PCDH15: variants seen among roughly 807,000 people sequenced by gnomAD.
The protein encoded by PCDH15 is protocadherin related 15.
PCDH15 carries 129 observed loss-of-function variants against 178.5 expected under a neutral mutation model. The observed-to-expected ratio is 0.72, with a 90% CI of 0.63 to 0.84. The LOEUF (loss-of-function observed/expected upper bound fraction) is 0.84. Ranked by LOEUF, PCDH15 falls within the 40% of genes least tolerant of loss-of-function variation. PCDH15 has a pLI of 0.00. For missense variants in PCDH15, 2,230 were observed against 2,099.9 expected, an observed-to-expected ratio of 1.06 and a Z score of -1.21; for synonymous variants, 800 against 732.0, an observed-to-expected ratio of 1.09 and a Z score of -1.50.
chr10:54,716,779 C>G (rs536140662), intron 1 of PCDH15, among the ~76,000 whole-genome samples: 6 of 151,250 alleles, frequency 4.0e-5, no homozygotes, highest in Non-Finnish European at 7.4e-5. Context: ...CATATGGAAC[C>G]AAAAAAGAGC....
chr10:54,939,336 A>C, intron 2 of PCDH15, among the ~76,000 whole-genome samples: 1 of 151,452 alleles, frequency 6.6e-6, no homozygotes, highest in Non-Finnish European at 1.5e-5. Flanking sequence ...CTACTAAAAA[A>C]AACAAAAAAT....
chr10:55,598,331 T>TAGCCCTAA (rs5785147), intron 2 of PCDH15, among the ~76,000 whole-genome samples: 49,677 of 150,874 alleles, frequency 0.33, 8,632 homozygotes, highest in African/African-American at 0.45. Context: ...CCACTATGCT[T>TAGCCCTAA]ACACAAATAG....
In PCDH15 at chr10:55,605,258, C is replaced by T. The variant is rs920711339; in HGVS notation, c.-156+22367G>A. 7.7e-4 allele frequency among the ~76,000 whole-genome samples: 117 copies of T among 152,142 alleles called. 1 individual carries two copies. Among genetic ancestry groups the T allele is most frequent in the South Asian group, 3.5e-3 (17 of 4,822 alleles). ...CTGAAATTGTGGCAATAATCAATAG[C>T]TTACCAACCAAAAAGAGTCCAGGAC... is the stretch of plus-strand genomic sequence containing the variant. On this transcript the variant is annotated intron_variant, in intron 2 of 5. Coordinates refer to the PCDH15 transcript ENST00000613346.
intron 3 of PCDH15, among the ~76,000 whole-genome samples, chr10:54,503,090 G>A (rs1047777142): frequency 1.5e-4 from 22 of 151,032 alleles, no homozygotes; most frequent in African/African-American, 5.3e-4. Context: ...GTTTATTTAG[G>A]TGTTGATAGT....
chr10:54,115,281 G>A (rs1405240246), intron 15 of PCDH15, among the ~76,000 whole-genome samples: 8 of 152,140 alleles, frequency 5.3e-5, no homozygotes, highest in Non-Finnish European at 1.2e-4. Context: ...CCATTTACTG[G>A]GTAGGGAAAA....
chr10:53,999,604 C>T (rs2092024975), intron 20 of PCDH15, among the ~76,000 whole-genome samples: 1 of 152,138 alleles, frequency 6.6e-6, no homozygotes, highest in African/African-American at 2.4e-5. Flanking sequence ...GCAGTACTCC[C>T]CAAGGGTCTT....
intron 3 of PCDH15, among the ~76,000 whole-genome samples, chr10:54,475,392 G>A (rs1441052024): frequency 1.3e-5 from 2 of 151,830 alleles, no homozygotes; most frequent in Non-Finnish European, 2.9e-5. Context: ...GAAAATTTAT[G>A]TAACATTTTT....
intron 10 of PCDH15, among the ~76,000 whole-genome samples, chr10:54,203,726 CA>C (rs1306189380): frequency 1.3e-5 from 2 of 152,142 alleles, no homozygotes; most frequent in African/African-American, 4.8e-5. Flanking sequence ...GTAAAGCCTT[CA>C]ATATACAAGG....
chr10:54,435,951 C>G (rs1416754816), intron 3 of PCDH15, among the ~76,000 whole-genome samples: 2 of 149,770 alleles, frequency 1.3e-5, no homozygotes, highest in Non-Finnish European at 3.0e-5. Flanking sequence ...GCCTGGGCAA[C>G]AGAGCGAGAC....
chr10:54,400,265 G>T (rs1951767602), intron 3 of PCDH15, among the ~76,000 whole-genome samples: 1 of 152,062 alleles, frequency 6.6e-6, no homozygotes, highest in African/African-American at 2.4e-5. Context: ...TTCTCCAATT[G>T]AACATAAAAT....
intron 37 of PCDH15, among the ~76,000 whole-genome samples, chr10:53,807,455 C>CTATT (rs532195653): frequency 2.2e-3 from 332 of 152,224 alleles, no homozygotes; most frequent in Middle Eastern, 6.8e-3. Context: ...AGCTGATCCA[C>CTATT]TATTTGACAG....
intron 17 of PCDH15, among the ~76,000 whole-genome samples, chr10:54,068,678 C>T (rs146476388): frequency 1.8e-4 from 28 of 152,104 alleles, no homozygotes; most frequent in African/African-American, 5.1e-4. Context: ...AATTAGAATA[C>T]GGGTCACTTT....
intron 2 of PCDH15, among the ~76,000 whole-genome samples, chr10:54,622,496 T>G (rs1347911026): frequency 2.1e-5 from 3 of 139,878 alleles, no homozygotes; most frequent in African/African-American, 8.0e-5. Flanking sequence ...TCTTAACCTA[T>G]TCTACAAACC....
At chr10:55,176,192 T>G (rs761070081) in intron 1 of PCDH15, among the ~76,000 whole-genome samples, 7 of 152,036 alleles carry the variant, frequency 4.6e-5, no homozygotes, top group Non-Finnish European at 8.8e-5. Flanking sequence ...AGGCTTCTTC[T>G]CCTCCCTCAG....
At chr10:54,441,926 G>A (rs1160991592) in intron 3 of PCDH15, among the ~76,000 whole-genome samples, 1 of 151,736 alleles carries the variant, frequency 6.6e-6, no homozygotes, top group Non-Finnish European at 1.5e-5. Context: ...AGGTTCAAGA[G>A]ATGAAACCAC....
chr10:54,753,880 T>TCG (rs368227785), intron 1 of PCDH15, among the ~76,000 whole-genome samples: 74,659 of 143,658 alleles, frequency 0.52, 19,439 homozygotes, highest in Middle Eastern at 0.69. Flanking sequence ...GTTGTTGTTT[T>TCG]TTTGTTTGTT....
intron 32 of PCDH15, among the ~76,000 whole-genome samples, chr10:53,825,699 T>TAATC (rs1233948196): frequency 2.6e-5 from 4 of 151,526 alleles, no homozygotes; most frequent in East Asian, 1.9e-4. Context: ...TAATTGATAA[T>TAATC]AATCATTTAA....
chr10:54,924,582 T>C (rs549861282), intron 2 of PCDH15, among the ~76,000 whole-genome samples: 1 of 88,198 alleles, frequency 1.1e-5, no homozygotes, highest in African/African-American at 3.1e-5. Context: ...TGTTCTTTTT[T>C]CTCCACAACC....
At chr10:55,376,700 T>C (rs1180705787) in intron 2 of PCDH15, among the ~76,000 whole-genome samples, 2 of 152,106 alleles carry the variant, frequency 1.3e-5, no homozygotes, top group Non-Finnish European at 2.9e-5. Context: ...AGTTCAGGAC[T>C]TTCAGATTTT....
Sources: gnomAD v4.1 joint callset for allele counts (sites outside exome capture counted in the v4.1 genomes callset) on GRCh38, gnomAD v4.1.1 for gene constraint, MANE v1.5 for transcripts, NCBI Gene and HGNC (gene_info 2026-07-23, HGNC 2026-07-21) for gene names.